The following CDH8 variants were observed in gnomAD, a reference collection of about 807,000 sequenced individuals.
CDH8 encodes cadherin 8, also known as cadherin-8.
CDH8 carries 17 observed loss-of-function variants against 68.1 expected under a neutral mutation model. The ratio of observed to expected loss-of-function variants is 0.25; its 90% CI spans 0.17 to 0.37. CDH8 has a LOEUF of 0.37. Among genes scored for constraint, CDH8 ranks in the 10% least tolerant of loss-of-function variants. CDH8 has a pLI of 1.00. For missense variants in CDH8, 763 were observed against 999.3 expected, an observed-to-expected ratio of 0.76 and a Z score of 3.19; for synonymous variants, 372 against 365.1, an observed-to-expected ratio of 1.02 and a Z score of -0.21.
chr16:61,652,803 A>G lies in CDH8; in HGVS notation c.*805T>C. The G allele has an allele frequency of 7.3e-7, 1 of 1,378,240 alleles. No homozygotes were observed. Among genetic ancestry groups the G allele is most frequent in the South Asian group, 1.8e-5 (1 of 56,408 alleles). The allele number at this position is 1,378,240 out of a possible 1,614,324, so 85.4% of individuals were successfully genotyped here. On this transcript the variant is annotated 3_prime_UTR_variant, in exon 12 of 12. Coordinates refer to ENST00000577390, the MANE Select transcript of CDH8 (RefSeq NM_001796.5). The stretch of plus-strand genomic sequence containing the variant: ...CAAATAAATTCACGCGCTAGCAATA[A>G]AACCATCTGTCTCTTATGTAGTCCA...
In CDH8 at chr16:61,959,970, ATG is replaced by A. The variant is rs1306078439; in HGVS notation, c.253-58499_253-58498del. On this transcript the variant is annotated intron_variant, in intron 2 of 11. Coordinates refer to ENST00000577390, the MANE Select transcript of CDH8 (RefSeq NM_001796.5). ...ACAAATCTTTCTCTGTATGTGGTGT[ATG>A]TGTGTGTGTGTGTATATATATATAT... Among the ~76,000 whole-genome samples the A allele has an allele frequency of 1.0e-3, 40 of 39,698 alleles. 4 individuals carry two copies. Among genetic ancestry groups the A allele is most frequent in the African/African-American group, 5.9e-3 (37 of 6,244 alleles). 26.0% of individuals were successfully genotyped at this position (39,698 alleles called of 152,430 possible).
chr16:61,908,983 A>G (rs1964112539), intron 2 of CDH8, among the ~76,000 whole-genome samples: 1 of 152,196 alleles, frequency 6.6e-6, no homozygotes, highest in South Asian at 2.1e-4. Context: ...TTCTCATATT[A>G]TACCAAAGTA....
intron 10 of CDH8, among the ~76,000 whole-genome samples, chr16:61,665,656 A>C (rs1963653656): frequency 6.6e-6 from 1 of 151,924 alleles, no homozygotes; most frequent in South Asian, 2.1e-4. Flanking sequence ...TGTATCCCAG[A>C]ACTTTAAGTT....
chr16:61,990,288 A>G (rs533742402), intron 2 of CDH8, among the ~76,000 whole-genome samples: 24 of 150,704 alleles, frequency 1.6e-4, no homozygotes, highest in African/African-American at 5.6e-4. Context: ...CATAGTAATA[A>G]GATTCTTGAA....
chr16:61,738,060 G>T (rs1286514650), intron 8 of CDH8, among the ~76,000 whole-genome samples: 1 of 152,070 alleles, frequency 6.6e-6, no homozygotes. Flanking sequence ...ATAAGTTATA[G>T]CCTTTCTATT....
chr16:61,666,993 G>A (rs1963692228), intron 10 of CDH8, among the ~76,000 whole-genome samples: 1 of 151,986 alleles, frequency 6.6e-6, no homozygotes, highest in Non-Finnish European at 1.5e-5. Context: ...CAGTTGCAGT[G>A]TAATGAATTA....
Position 61,733,150 on chromosome 16 carries a change from T to C in CDH8, c.1415-5935A>G, listed in dbSNP as rs576191790. On this transcript the variant is annotated intron_variant, in intron 8 of 11. Coordinates refer to ENST00000577390, the MANE Select transcript of CDH8 (RefSeq NM_001796.5). ...AAATAGGAGGGGAAGGCAATAGAAC[T>C]ATATAGGAGTAGCATTTTTATATCT... Among the ~76,000 whole-genome samples the C allele has an allele frequency of 2.0e-5, 3 of 151,960 alleles. No homozygotes were observed. In the South Asian group the frequency reaches 6.2e-4, roughly 32 times the overall value.
intron 2 of CDH8, among the ~76,000 whole-genome samples, chr16:61,926,016 A>G (rs1251814043): frequency 6.6e-6 from 1 of 152,172 alleles, no homozygotes; most frequent in Non-Finnish European, 1.5e-5. Context: ...TCCTTACTAT[A>G]CCTTCACAAG....
intron 2 of CDH8, among the ~76,000 whole-genome samples, chr16:61,927,631 T>C (rs1377935059): frequency 6.6e-6 from 1 of 152,202 alleles, no homozygotes; most frequent in Non-Finnish European, 1.5e-5. Context: ...TTCTGTGTTA[T>C]TCAAATCATG....
At chr16:61,702,909 C>A (rs1964460612) in intron 10 of CDH8, among the ~76,000 whole-genome samples, 1 of 151,862 alleles carries the variant, frequency 6.6e-6, no homozygotes, top group Non-Finnish European at 1.5e-5. Flanking sequence ...TAATAGTCAC[C>A]CTGAATATTT....
chr16:62,020,233 A>G (rs1467965944), intron 2 of CDH8, among the ~76,000 whole-genome samples: 1 of 152,198 alleles, frequency 6.6e-6, no homozygotes. Flanking sequence ...TGGGAAGTGA[A>G]TAACATTGGC....
chr16:61,885,542 T>C (rs985674231), intron 3 of CDH8, among the ~76,000 whole-genome samples: 1 of 152,196 alleles, frequency 6.6e-6, no homozygotes, highest in African/African-American at 2.4e-5. Context: ...ATCAGAACTG[T>C]GAGTTGCTGT....
chr16:61,966,850 TTAACTCATTTATTAGC>T (rs1567549335), intron 2 of CDH8, among the ~76,000 whole-genome samples: 1 of 152,156 alleles, frequency 6.6e-6, no homozygotes, highest in Non-Finnish European at 1.5e-5. Context: ...TTTACATGCA[TTAACTCATTTATTAGC>T]TAAAGCAACC....
At chr16:62,010,772 C>T (rs1175861632) in intron 2 of CDH8, among the ~76,000 whole-genome samples, 8 of 151,644 alleles carry the variant, frequency 5.3e-5, no homozygotes, top group Non-Finnish European at 1.0e-4. Flanking sequence ...AACACGATCT[C>T]TACTAAAAAT....
chr16:61,652,998 C>A lies in CDH8; in HGVS notation c.*610G>T. ...TTACGAACATGTGAATATTTTAAGG[C>A]TCGACACAATATTTAAAGATGCTAT... On this transcript the variant is annotated 3_prime_UTR_variant, in exon 12 of 12. Coordinates refer to ENST00000577390, the MANE Select transcript of CDH8 (RefSeq NM_001796.5). 4.1e-6 allele frequency: 6 copies of A among 1,463,814 alleles called. No individual in the cohort carries two copies. The South Asian group carries it at 5.7e-5, about 14-fold the overall frequency. 90.7% of individuals were successfully genotyped at this position (1,463,814 alleles called of 1,614,324 possible).
chr16:61,787,778 C>T (rs1961263907), intron 8 of CDH8, among the ~76,000 whole-genome samples: 1 of 151,432 alleles, frequency 6.6e-6, no homozygotes, highest in Non-Finnish European at 1.5e-5. Flanking sequence ...ATGATGACTT[C>T]ATGTCCTTTG....
rs545670875 is a variant in CDH8 at position 61,820,314 on chromosome 16, G to GTTTTTTTT, written c.1023+604_1023+611dup. Reference sequence around the variant, plus strand: ...TGAACCTGAATGTTCTGCCTGTTTGGTTTTTTTTTTTTTTTTTTTTTTTTT... The same window carrying GTTTTTTTT: ...TGAACCTGAATGTTCTGCCTGTTTGGTTTTTTTTTTTTTTTTTTTTTTTTTTTTTTTTT... On this transcript the variant is annotated intron_variant, in intron 6 of 11. Transcript: ENST00000577390. Among the ~76,000 whole-genome samples, 31 of 90,774 alleles carry GTTTTTTTT rather than the reference G, an allele frequency of 3.4e-4. 2 individuals are homozygous for GTTTTTTTT. Among genetic ancestry groups the GTTTTTTTT allele is most frequent in the African/African-American group, 5.2e-4 (11 of 21,344 alleles). 59.6% of individuals were successfully genotyped at this position (90,774 alleles called of 152,430 possible).
intron 8 of CDH8, among the ~76,000 whole-genome samples, chr16:61,736,491 A>C (rs1959690167): frequency 6.6e-6 from 1 of 152,210 alleles, no homozygotes; most frequent in Non-Finnish European, 1.5e-5. Context: ...ATGAATGTTT[A>C]TCCCAGGTAT....
At chr16:61,760,645 C>G (rs1269337019) in intron 8 of CDH8, among the ~76,000 whole-genome samples, 2 of 152,022 alleles carry the variant, frequency 1.3e-5, no homozygotes, top group African/African-American at 4.8e-5. Context: ...CTCTTCTAAA[C>G]TTGAAATGTC....
Sources: gnomAD v4.1 joint callset for allele counts (sites outside exome capture counted in the v4.1 genomes callset) on GRCh38, gnomAD v4.1.1 for gene constraint, MANE v1.5 for transcripts, NCBI Gene and HGNC (gene_info 2026-07-23, HGNC 2026-07-21) for gene names.